Variants in OR1J2 observed in about 807,000 individuals in gnomAD.
OR1J2 encodes olfactory receptor 1J2.
For synonymous variants in OR1J2, 142 were observed against 99.7 expected (o/e 1.42, Z -2.52); for missense variants, 304 against 246.1 (o/e 1.24, Z -1.57).
chr9:122,553,259 CCTT>C, the OR1J2 span: 1 of 1,613,798 alleles, frequency 6.2e-7, no homozygotes, highest in Non-Finnish European at 8.5e-7. Flanking sequence ...CAGACTTCCT[CCTT>C]CTAGGACTCT....
the OR1J2 span, among the ~76,000 whole-genome samples, chr9:122,536,314 A>T: frequency 1.3e-5 from 2 of 152,236 alleles, no homozygotes; most frequent in African/African-American, 2.4e-5. Flanking sequence ...CTTTAAAAAC[A>T]GTTCAATGGC....
chr9:122,499,220 G>A, the OR1J2 span, among the ~76,000 whole-genome samples: 25 of 152,240 alleles, frequency 1.6e-4, no homozygotes, highest in African/African-American at 5.8e-4. Context: ...GAATCCAGTG[G>A]GTGGCCACCA....
At chr9:122,563,940 G>C in the OR1J2 span, among the ~76,000 whole-genome samples, 1 of 152,048 alleles carries the variant, frequency 6.6e-6, no homozygotes, top group South Asian at 2.1e-4. Context: ...ATTTATTTTT[G>C]GGTTGTCTAT....
the OR1J2 span, among the ~76,000 whole-genome samples, chr9:122,478,802 CAG>C: frequency 6.6e-6 from 1 of 152,114 alleles, no homozygotes; most frequent in Non-Finnish European, 1.5e-5. Context: ...TTGTTTGAGA[CAG>C]AGTCTCGCTC....
chr9:122,519,249 A>G, the OR1J2 span: 1 of 1,613,940 alleles, frequency 6.2e-7, no homozygotes, highest in Non-Finnish European at 8.5e-7. Flanking sequence ...CATGTACCTG[A>G]TCACGGTGCT....
the OR1J2 span, among the ~76,000 whole-genome samples, chr9:122,538,284 T>C: frequency 7.2e-5 from 11 of 152,180 alleles, no homozygotes; most frequent in African/African-American, 2.7e-4. Context: ...TTCTCTCTCA[T>C]CATCTATGAT....
chr9:122,511,621 G>A lies in OR1J2; in HGVS notation c.820G>A (p.Val274Met), dbSNP rs1356424198. 9 of 780,916 alleles carry A rather than the reference G, an allele frequency of 1.2e-5. No homozygotes were observed. In the East Asian group the frequency reaches 1.9e-4, roughly 17 times the overall value. 48.4% of individuals were successfully genotyped at this position (780,916 alleles called of 1,614,324 possible). ...VSSSIDKDVI[V>M]ALMYTVVTPM... ...CAGTTCTATTGACAAGGATGTCATT[G>A]TGGCTCTCATGTACACGGTGGTCAC... The change falls in exon 1 of 1, where the codon GTG becomes ATG. Residue 274 changes from valine to methionine, a missense_variant. By Grantham distance (21) the Val-to-Met change is conservative. Coordinates refer to ENST00000335302, the MANE Select transcript of OR1J2 (RefSeq NM_054107.1).
chr9:122,539,485 GT>G, the OR1J2 span, among the ~76,000 whole-genome samples: 3 of 152,270 alleles, frequency 2.0e-5, no homozygotes, highest in East Asian at 5.8e-4. Flanking sequence ...TGGTGTATAG[GT>G]GCCACATTTT....
At chr9:122,519,964 C>T in the OR1J2 span, 1 of 1,614,162 alleles carries the variant, frequency 6.2e-7, no homozygotes, top group African/African-American at 1.3e-5. Flanking sequence ...GTAATTGCCT[C>T]TGTGATGTAC....
At chr9:122,567,422 A>C in the OR1J2 span, 1 of 671,208 alleles carries the variant, frequency 1.5e-6, no homozygotes, top group Non-Finnish European at 2.5e-6. Flanking sequence ...AAGTGCCCAC[A>C]ATAGCCTTGT....
the OR1J2 span, among the ~76,000 whole-genome samples, chr9:122,525,318 T>C: frequency 2.6e-5 from 4 of 152,150 alleles, no homozygotes; most frequent in African/African-American, 4.8e-5. Context: ...TAAGTATTCA[T>C]TGAAAAAGTG....
At chr9:122,513,599 G>A (rs1249511544), downstream of OR1J2, among the ~76,000 whole-genome samples, 1 of 151,634 alleles carries the variant, frequency 6.6e-6, no homozygotes, top group Non-Finnish European at 1.5e-5. Flanking sequence ...ATAGGTATAC[G>A]TGTACCATGG....
At chr9:122,458,619 T>G in the OR1J2 span, among the ~76,000 whole-genome samples, 345 of 152,262 alleles carry the variant, frequency 2.3e-3, 1 homozygote, top group African/African-American at 8.2e-3. Context: ...CTCGTGAGAC[T>G]TATTCACTAT....
chr9:122,530,032 A>G, the OR1J2 span, among the ~76,000 whole-genome samples: 1 of 152,224 alleles, frequency 6.6e-6, no homozygotes, highest in African/African-American at 2.4e-5. Flanking sequence ...TACAAATGGC[A>G]AACAGCTGGA....
chr9:122,454,977 C>G, the OR1J2 span, among the ~76,000 whole-genome samples: 1 of 152,296 alleles, frequency 6.6e-6, no homozygotes, highest in African/African-American at 2.4e-5. Context: ...AAAAGGCAAG[C>G]CTTTTATGTC....
the OR1J2 span, among the ~76,000 whole-genome samples, chr9:122,556,614 C>G: frequency 6.6e-6 from 1 of 152,054 alleles, no homozygotes; most frequent in African/African-American, 2.4e-5. Context: ...CAGCAAACCA[C>G]CATGGCACAT....
chr9:122,539,541 T>C, the OR1J2 span, among the ~76,000 whole-genome samples: 1 of 152,308 alleles, frequency 6.6e-6, no homozygotes, highest in South Asian at 2.1e-4. Flanking sequence ...TGGTTCCAAG[T>C]CTTTGCTATT....
At chr9:122,463,742 A>G in the OR1J2 span, among the ~76,000 whole-genome samples, 1 of 152,062 alleles carries the variant, frequency 6.6e-6, no homozygotes, top group South Asian at 2.1e-4. Flanking sequence ...CTGGGCTGGT[A>G]TAGGGGAGTG....
chr9:122,474,817 A>C, the OR1J2 span, among the ~76,000 whole-genome samples: 2 of 151,072 alleles, frequency 1.3e-5, no homozygotes, highest in African/African-American at 4.8e-5. Flanking sequence ...CATGCTCTCA[A>C]ATGGTCATTT....
Sources: allele counts gnomAD v4.1 joint callset (sites outside exome capture counted in the v4.1 genomes callset), GRCh38; gene constraint gnomAD v4.1.1; transcripts MANE v1.5; gene names NCBI Gene and HGNC (gene_info 2026-07-23, HGNC 2026-07-21).